The following MGA variants were observed in gnomAD, a reference collection of about 807,000 sequenced individuals.
MGA encodes the protein MAX gene-associated protein.
MGA carries 40 observed loss-of-function variants against 261.1 expected under a neutral mutation model. The observed-to-expected ratio is 0.15, with a 90% CI of 0.12 to 0.20. The LOEUF (loss-of-function observed/expected upper bound fraction) is 0.20. Ranked by LOEUF, MGA falls within the 10% of genes least tolerant of loss-of-function variation. The pLI is 1.00. For synonymous variants in MGA, 1,302 were observed against 1,290.6 expected (o/e 1.01, Z -0.19); for missense variants, 3,397 against 3,630.5 (o/e 0.94, Z 1.65).
At chr15:41,688,646 GCTTCT>G (rs151048751) in intron 2 of MGA, among the ~76,000 whole-genome samples, 4,967 of 152,122 alleles carry the variant, frequency 0.033, 129 homozygotes, top group South Asian at 0.07. Context: ...GCTATTTCCT[GCTTCT>G]CTTATCTGTT....
At chr15:41,652,797 G>A (rs1256602716) in intron 1 of MGA, among the ~76,000 whole-genome samples, 3 of 151,704 alleles carry the variant, frequency 2.0e-5, no homozygotes, top group Non-Finnish European at 1.5e-5. Flanking sequence ...TTTCCCCAGG[G>A]GACTTGTTTT....
chr15:41,761,402 A>G (rs2063448902), intron 20 of MGA, among the ~76,000 whole-genome samples: 1 of 152,208 alleles, frequency 6.6e-6, no homozygotes, highest in Admixed American at 6.5e-5. Context: ...TTTCAACCAG[A>G]TTTTGGTTAG....
intron 1 of MGA, chr15:41,621,732 G>A (rs554987703): frequency 6.6e-6 from 1 of 152,354 alleles, no homozygotes; most frequent in South Asian, 2.1e-4. Flanking sequence ...GGGGCGCTGA[G>A]GCGTCACGTG....
intron 2 of MGA, among the ~76,000 whole-genome samples, chr15:41,690,769 C>T (rs1197007976): frequency 1.3e-5 from 2 of 152,074 alleles, no homozygotes; most frequent in South Asian, 2.1e-4. Flanking sequence ...GTCCCAGCTA[C>T]TCGAGAGGCT....
intron 1 of MGA, among the ~76,000 whole-genome samples, chr15:41,637,351 C>G (rs933466054): frequency 6.6e-6 from 1 of 152,182 alleles, no homozygotes; most frequent in African/African-American, 2.4e-5. Context: ...TATTGATTGA[C>G]TTAATTGTCT....
At chr15:41,751,689 A>C (rs1595977912) in intron 17 of MGA, 1 of 152,052 alleles carries the variant, frequency 6.6e-6, no homozygotes, top group Non-Finnish European at 1.5e-5. Context: ...GCGCCATTGC[A>C]CTCCAGCCTG....
Position 41,754,516 on chromosome 15 carries a change from A to T in MGA, c.7088A>T (p.Asn2363Ile). 6.3e-7 allele frequency: 1 copy of T among 1,584,898 alleles called. No homozygotes were observed. Among genetic ancestry groups the T allele is most frequent in the Non-Finnish European group, 8.6e-7 (1 of 1,163,794 alleles). ...GTAGAAGAGCTCTCAGAGGAAATTA[A>T]TGTTGCTCACCTGAAGACCACAGCG... The change falls in exon 18 of 24, where the codon AAT (asparagine) becomes ATT (isoleucine). Residue 2363 changes from asparagine to isoleucine, a missense_variant. Asn to Ile is a moderately radical substitution (Grantham distance 149). Transcript: ENST00000219905.
intron 9 of MGA, among the ~76,000 whole-genome samples, chr15:41,725,561 C>CATATATT (rs2061181128): frequency 1.8e-5 from 1 of 54,074 alleles, no homozygotes; most frequent in Admixed American, 2.4e-4. Context: ...GGGCCGGGCG[C>CATATATT]GGTGGCTCAC....
At chr15:41,702,374 T>A (rs565302879) in intron 5 of MGA, among the ~76,000 whole-genome samples, 2 of 152,112 alleles carry the variant, frequency 1.3e-5, no homozygotes, top group East Asian at 3.9e-4. Flanking sequence ...GTAAGTTAAT[T>A]TGGCTAAATA....
Position 41,766,619 on chromosome 15 carries a change from A to G in MGA, c.8537A>G (p.Glu2846Gly). The change falls in exon 24 of 24, where the codon GAA becomes GGA. Residue 2846 changes from glutamate to glycine, a missense_variant. This residue lies in a region of MGA where 647 missense variants were observed against 642.4 expected (regional missense o/e 1.01). Coordinates refer to ENST00000219905, the MANE Select transcript of MGA (RefSeq NM_001164273.2). ...AATGATGACTCTGTTGGCCTGGCTG[A>G]ACTACCCAGCTCTATGGATACAGAG... The G allele has an allele frequency of 6.2e-7, 1 of 1,614,004 alleles. No homozygotes were observed. Among genetic ancestry groups the G allele is most frequent in the Non-Finnish European group, 8.5e-7 (1 of 1,179,890 alleles).
At chr15:41,636,838 A>C in intron 1 of MGA, among the ~76,000 whole-genome samples, 1 of 152,142 alleles carries the variant, frequency 6.6e-6, no homozygotes, top group African/African-American at 2.4e-5. Context: ...AGCGTGAGCC[A>C]CCACACCTGG....
At chr15:41,648,221 C>T (rs569174436) in intron 1 of MGA, among the ~76,000 whole-genome samples, 1 of 152,348 alleles carries the variant, frequency 6.6e-6, no homozygotes, top group South Asian at 2.1e-4. Flanking sequence ...TACTCTATAG[C>T]ATAGTCATTA....
At position 41,699,102 on chromosome 15, in the gene MGA, A is replaced by G. The variant is rs199867526; in HGVS notation, c.2131A>G (p.Ile711Val). 1.9e-6 allele frequency: 3 copies of G among 1,612,892 alleles called. No individual in the cohort carries two copies. Among genetic ancestry groups the G allele is most frequent in the Non-Finnish European group, 2.5e-6 (3 of 1,179,438 alleles). Residue 711 changes from isoleucine to valine, a missense_variant, in exon 5 of 24, where the codon ATA (isoleucine) becomes GTA (valine). Physicochemically the swap from Ile to Val is conservative, Grantham distance 29 (BLOSUM62 3). This residue lies in a region of MGA where 563 missense variants were observed against 563.6 expected (regional missense o/e 1.00). Coordinates refer to ENST00000219905, the MANE Select transcript of MGA (RefSeq NM_001164273.2). ...AATTTCCCAGTTGGAAAAGGAATTG[A>G]TAGAAGATTTGAAGACTTTGCGGCA...
At chr15:41,757,926 GC>G in intron 19 of MGA, 87 bp downstream of exon 19, 1 of 1,184,400 alleles carries the variant, frequency 8.4e-7, no homozygotes, top group Non-Finnish European at 1.2e-6. Context: ...AGCTATATTA[GC>G]CACGATTTTT....
intron 13 of MGA, 21 bp downstream of exon 13, chr15:41,736,719 G>T (rs774140730): frequency 6.4e-7 from 1 of 1,569,286 alleles, no homozygotes. Context: ...TCTTTAATCT[G>T]GGTATAGCAC....
At chr15:41,653,326 GCCATTGCACT>G (rs1367074193) in intron 1 of MGA, among the ~76,000 whole-genome samples, 1 of 150,936 alleles carries the variant, frequency 6.6e-6, no homozygotes, top group East Asian at 1.9e-4. Flanking sequence ...CCAAGATCAT[GCCATTGCACT>G]CCAGCCTGGG....
rs776489061 is a variant in MGA at position 41,754,511 on chromosome 15, A to C, written c.7083A>C (p.Glu2361Asp). Residue 2361 changes from glutamate to aspartate, a missense_variant, in exon 18 of 24, where the codon GAA (glutamate) becomes GAC (aspartate). Physicochemically the swap from Glu to Asp is conservative, Grantham distance 45 (BLOSUM62 2). Transcript: ENST00000219905. ...AGACTGTAGAAGAGCTCTCAGAGGA[A>C]ATTAATGTTGCTCACCTGAAGACCA... 6.3e-7 allele frequency: 1 copy of C among 1,582,614 alleles called. No individual in the cohort carries two copies. Among genetic ancestry groups the C allele is most frequent in the Non-Finnish European group, 8.6e-7 (1 of 1,162,488 alleles).
intron 15 of MGA, among the ~76,000 whole-genome samples, chr15:41,745,280 A>AT (rs1555432882): frequency 0.61 from 53,347 of 87,038 alleles, 19,670 homozygotes; most frequent in East Asian, 0.84. Context: ...AGAATGATCA[A>AT]TAAAAAAAAA....
At chr15:41,677,802 C>T (rs1009277149) in intron 2 of MGA, among the ~76,000 whole-genome samples, 2 of 152,084 alleles carry the variant, frequency 1.3e-5, no homozygotes, top group Non-Finnish European at 2.9e-5. Context: ...TATTGAGATG[C>T]AGGAGTTCTT....
Sources: gnomAD v4.1 joint callset for allele counts (sites outside exome capture counted in the v4.1 genomes callset) on GRCh38, gnomAD v4.1.1 for gene constraint, gnomAD v4.1.1 regional missense constraint, MANE v1.5 for transcripts, NCBI Gene and HGNC (gene_info 2026-07-23, HGNC 2026-07-21) for gene names.